TESK2: variants seen among roughly 807,000 people sequenced by gnomAD.
TESK2 encodes testis associated actin remodelling kinase 2.
Under a neutral mutation model 57.1 loss-of-function variants are expected in TESK2, and 39 were observed. The ratio of observed to expected loss-of-function variants is 0.68; its 90% CI spans 0.53 to 0.89. The LOEUF is 0.89. Among genes scored for constraint, TESK2 ranks in the 40% least tolerant of loss-of-function variants. TESK2 has a pLI of 0.00. For synonymous variants in TESK2, 249 were observed against 267.9 expected (o/e 0.93, Z 0.69); for missense variants, 646 against 732.1 (o/e 0.88, Z 1.36).
rs576598402 is a variant in TESK2 at position 45,365,484 on chromosome 1, T to G, written c.394-10035A>C. On this transcript the variant is annotated intron_variant, in intron 4 of 10. Transcript: ENST00000372086. The stretch of plus-strand genomic sequence containing the variant: ...TTCTTCATAGCTTTGCTAATTCTTA[T>G]TCATCCTCCTTGTTTATTTATTTTC... 6.6e-5 allele frequency among the ~76,000 whole-genome samples: 10 copies of G among 152,272 alleles called. No individual in the cohort carries two copies. In the South Asian group the frequency reaches 1.9e-3, roughly 28 times the overall value.
chr1:45,389,011 C>T (rs1033891384), intron 3 of TESK2, among the ~76,000 whole-genome samples: 1 of 152,066 alleles, frequency 6.6e-6, no homozygotes, highest in Admixed American at 6.6e-5. Context: ...TGAGCCACCG[C>T]GCCCGGCCGA....
At chr1:45,441,202 G>A (rs1034176142) in intron 2 of TESK2, among the ~76,000 whole-genome samples, 52 of 151,984 alleles carry the variant, frequency 3.4e-4, no homozygotes, top group Non-Finnish European at 4.6e-4. Flanking sequence ...ACAGAGTCTC[G>A]CTACATCGCC....
At chr1:45,477,627 C>CA (rs893162595) in intron 1 of TESK2, among the ~76,000 whole-genome samples, 41 of 140,170 alleles carry the variant, frequency 2.9e-4, no homozygotes, top group South Asian at 1.4e-3. Flanking sequence ...ATCTCAAAAA[C>CA]AAAAAAAAAA....
intron 1 of TESK2, among the ~76,000 whole-genome samples, chr1:45,466,905 T>C (rs1004949934): frequency 1.3e-5 from 2 of 151,974 alleles, no homozygotes; most frequent in Non-Finnish European, 2.9e-5. Context: ...ACCACAAAGT[T>C]ATTGATTAAA....
rs74643793 is a variant in TESK2 at position 45,484,032 on chromosome 1, A to C, written c.-87+6820T>G. On this transcript the variant is annotated intron_variant, in intron 1 of 10. Transcript: ENST00000372086. ...AAAAAAAATTATACTTGGATTTTCT[A>C]CCGCACAGGGGTTGGCTTCCCAACC... Among the ~76,000 whole-genome samples the C allele has an allele frequency of 5.7e-4, 85 of 150,078 alleles. No individual in the cohort carries two copies. The East Asian group carries it at 0.013, about 23-fold the overall frequency.
At chr1:45,403,380 TGTTTTAGAG>T (rs1194495582) in intron 3 of TESK2, among the ~76,000 whole-genome samples, 6 of 152,154 alleles carry the variant, frequency 3.9e-5, no homozygotes, top group African/African-American at 1.4e-4. Flanking sequence ...AGTTCAAACA[TGTTTTAGAG>T]GTATTACATC....
intron 3 of TESK2, among the ~76,000 whole-genome samples, chr1:45,420,383 C>T (rs1650422332): frequency 7.0e-6 from 1 of 143,768 alleles, no homozygotes; most frequent in African/African-American, 2.6e-5. Context: ...AAACTACAGG[C>T]ACATGCCATT....
chr1:45,390,802 C>G (rs1649105145), intron 3 of TESK2, among the ~76,000 whole-genome samples: 1 of 151,072 alleles, frequency 6.6e-6, no homozygotes, highest in Non-Finnish European at 1.5e-5. Flanking sequence ...GCGATAGGGT[C>G]TCATTATGTT....
At chr1:45,471,433 T>C (rs1652756530) in intron 1 of TESK2, among the ~76,000 whole-genome samples, 1 of 151,950 alleles carries the variant, frequency 6.6e-6, no homozygotes, top group African/African-American at 2.4e-5. Context: ...TTTGAGACAG[T>C]CTTGCTCTGT....
At chr1:45,365,483 A>G (rs1166677328) in intron 4 of TESK2, among the ~76,000 whole-genome samples, 4 of 151,622 alleles carry the variant, frequency 2.6e-5, no homozygotes, top group African/African-American at 9.7e-5. Flanking sequence ...GCTAATTCTT[A>G]TTCATCCTCC....
chr1:45,345,696 A>G (rs781494303), intron 10 of TESK2, 138 bp from the exon 11 acceptor site: 74 of 955,938 alleles, frequency 7.7e-5, no homozygotes, highest in Non-Finnish European at 1.1e-4. Flanking sequence ...AGACTCAGAG[A>G]GGGGAAGCAG....
chr1:45,430,726 T>C (rs1650914494), intron 2 of TESK2, among the ~76,000 whole-genome samples: 1 of 152,164 alleles, frequency 6.6e-6, no homozygotes, highest in Non-Finnish European at 1.5e-5. Flanking sequence ...TTGCATCTTT[T>C]TGCTTCCTCT....
chr1:45,348,057 TAG>T (rs1647171514), intron 5 of TESK2, 57 bp from the exon 6 acceptor site: 2 of 1,184,846 alleles, frequency 1.7e-6, no homozygotes, highest in East Asian at 2.3e-5. Flanking sequence ...GGATCAGCCA[TAG>T]AGTTACCACC....
chr1:45,426,074 C>A (rs1029017132), intron 2 of TESK2, among the ~76,000 whole-genome samples: 1 of 152,062 alleles, frequency 6.6e-6, no homozygotes, highest in Non-Finnish European at 1.5e-5. Context: ...TGGCTTGAAC[C>A]CGGGAGGCAG....
chr1:45,461,568 C>A (rs1159789279), intron 1 of TESK2, among the ~76,000 whole-genome samples: 4 of 152,066 alleles, frequency 2.6e-5, no homozygotes, highest in African/African-American at 9.7e-5. Flanking sequence ...GTAGAAAGAA[C>A]AGAGACTTAA....
chr1:45,392,158 T>C (rs1348988769), intron 3 of TESK2, among the ~76,000 whole-genome samples: 1 of 152,228 alleles, frequency 6.6e-6, no homozygotes, highest in African/African-American at 2.4e-5. Flanking sequence ...CAATCTTGCC[T>C]CACTGCAACC....
chr1:45,411,959 G>A (rs781228), intron 3 of TESK2, among the ~76,000 whole-genome samples: 140,050 of 152,262 alleles, frequency 0.92, 65,621 homozygotes, highest in East Asian at 1. Flanking sequence ...CCCTGCCTCA[G>A]TGTGATTTCT....
intron 3 of TESK2, among the ~76,000 whole-genome samples, chr1:45,404,422 G>A (rs866115756): frequency 3.9e-5 from 6 of 152,038 alleles, no homozygotes; most frequent in South Asian, 2.1e-4. Context: ...AACAAACGAT[G>A]GTGATGTATA....
At chr1:45,362,422 C>T (rs2149267467) in intron 4 of TESK2, among the ~76,000 whole-genome samples, 1 of 152,204 alleles carries the variant, frequency 6.6e-6, no homozygotes, top group Admixed American at 6.5e-5. Context: ...CTCCAGTTCC[C>T]AATTCTTGCT....
Sources: gnomAD v4.1 joint callset for allele counts (sites outside exome capture counted in the v4.1 genomes callset) on GRCh38, gnomAD v4.1.1 for gene constraint, MANE v1.5 for transcripts, NCBI Gene and HGNC (gene_info 2026-07-23, HGNC 2026-07-21) for gene names.